Variants in QKI observed in about 807,000 individuals in gnomAD.
QKI encodes the protein KH domain-containing RNA-binding protein QKI.
In QKI, 10 loss-of-function variants were observed where a neutral mutation model predicts 39.0. The ratio of observed to expected loss-of-function variants is 0.26; its 90% CI spans 0.16 to 0.43. The LOEUF is 0.43. Ranked by LOEUF, QKI falls within the 20% of genes least tolerant of loss-of-function variation. The pLI is 1.00. For missense variants in QKI, 218 were observed against 428.0 expected (o/e 0.51, Z 4.33); for synonymous variants, 204 against 155.4 (o/e 1.31, Z -2.33).
At chr6:163,465,174 A>C (rs909068572) in intron 2 of QKI, among the ~76,000 whole-genome samples, 1 of 152,236 alleles carries the variant, frequency 6.6e-6, no homozygotes, top group African/African-American at 2.4e-5. Flanking sequence ...GGTATAGAAC[A>C]GTATGCCACA....
At chr6:163,420,510 A>T (rs1787912076) in intron 1 of QKI, among the ~76,000 whole-genome samples, 1 of 152,002 alleles carries the variant, frequency 6.6e-6, no homozygotes, top group Non-Finnish European at 1.5e-5. Context: ...AGGCCAAGGG[A>T]TGGGGAGTGG....
rs35897463 is a variant in QKI at position 163,474,787 on chromosome 6, TA to T, written c.286-3973del. The stretch of plus-strand genomic sequence containing the variant: ...TGAGACCTGATGTCTACAAAAAAGT[TA>T]AAAAAAAAAAAAAAAAAAAGCCAGG... On this transcript the variant is annotated intron_variant, in intron 2 of 7. Coordinates refer to ENST00000361752, the MANE Select transcript of QKI (RefSeq NM_006775.3). Among the ~76,000 whole-genome samples, 519 of 108,630 alleles carry T rather than the reference TA, an allele frequency of 4.8e-3. 1 individual carries two copies. The highest frequency in any genetic ancestry group is 0.015 in the African/African-American group (412 of 28,232). The allele number at this position is 108,630 out of a possible 152,430, so 71.3% of individuals were successfully genotyped here.
intron 1 of QKI, among the ~76,000 whole-genome samples, chr6:163,426,760 C>G (rs1788437090): frequency 6.6e-6 from 1 of 152,128 alleles, no homozygotes; most frequent in African/African-American, 2.4e-5. Context: ...ATGGGGCAAG[C>G]CAGATATATG....
intron 3 of QKI, among the ~76,000 whole-genome samples, chr6:163,481,230 GAC>G: frequency 6.6e-6 from 1 of 150,712 alleles, no homozygotes; most frequent in African/African-American, 2.5e-5. Context: ...TGTATATATA[GAC>G]ATGTGTGTAT....
chr6:163,508,532 CT>C (rs796358857), intron 3 of QKI, among the ~76,000 whole-genome samples: 26 of 4,478 alleles, frequency 5.8e-3, no homozygotes, highest in African/African-American at 0.022. Flanking sequence ...TTCTTTCTTT[CT>C]TTTTTTTTTT....
chr6:163,491,106 G>A (rs1329607047), intron 3 of QKI, among the ~76,000 whole-genome samples: 1 of 152,064 alleles, frequency 6.6e-6, no homozygotes, highest in Non-Finnish European at 1.5e-5. Context: ...TGTTTTTAAA[G>A]AGAAAAGAAG....
At chr6:163,480,226 A>G (rs1792967856) in intron 3 of QKI, among the ~76,000 whole-genome samples, 1 of 151,884 alleles carries the variant, frequency 6.6e-6, no homozygotes, top group Non-Finnish European at 1.5e-5. Context: ...TGTTTTAGGA[A>G]GGTTTGGTCT....
intron 4 of QKI, among the ~76,000 whole-genome samples, chr6:163,560,656 GCTTAA>G (rs1385683772): frequency 6.6e-6 from 1 of 152,186 alleles, no homozygotes; most frequent in East Asian, 1.9e-4. Context: ...AGGTTAATGG[GCTTAA>G]CTTGAGAGGA....
At chr6:163,490,683 T>A (rs1777994724) in intron 3 of QKI, among the ~76,000 whole-genome samples, 1 of 152,140 alleles carries the variant, frequency 6.6e-6, no homozygotes, top group Non-Finnish European at 1.5e-5. Flanking sequence ...CAAATTTATT[T>A]CATTTTGAAA....
intron 4 of QKI, among the ~76,000 whole-genome samples, chr6:163,548,631 G>GT (rs1394326804): frequency 6.6e-5 from 10 of 152,160 alleles, no homozygotes; most frequent in Non-Finnish European, 1.2e-4. Context: ...CTGAAAGAAG[G>GT]TATGTGTGAC....
chr6:163,565,652 A>G (rs1449603962), intron 6 of QKI: 21 of 1,064,746 alleles, frequency 2.0e-5, no homozygotes, highest in Admixed American at 9.8e-5. Flanking sequence ...TAAGTGCCCA[A>G]TGAAAAAATC....
At chr6:163,568,071 G>A (rs1303084449) in intron 7 of QKI, 21 of 985,244 alleles carry the variant, frequency 2.1e-5, no homozygotes, top group African/African-American at 3.5e-5. Flanking sequence ...CTCCGTGGTC[G>A]TCTATGAGGA....
rs141068706 is a variant in QKI at position 163,460,539 on chromosome 6, G to C, written c.285+5118G>C. Among the ~76,000 whole-genome samples, 282 of 152,176 alleles carry C rather than the reference G, an allele frequency of 1.9e-3. 1 individual carries two copies. Among genetic ancestry groups the C allele is most frequent in the Non-Finnish European group, 3.3e-3 (225 of 68,002 alleles). ...TGGGTTTGCAAATCAGCTTAGGCTC[G>C]TCATAGCTTCTGAGTTAGTTAGCAT... On this transcript the variant is annotated intron_variant, in intron 2 of 7. Transcript: ENST00000361752.
intron 1 of QKI, among the ~76,000 whole-genome samples, chr6:163,426,036 A>G (rs1288976902): frequency 6.6e-6 from 1 of 152,222 alleles, no homozygotes; most frequent in Non-Finnish European, 1.5e-5. Context: ...ATATTTGTGT[A>G]TCTTTAAAAG....
intron 7 of QKI, chr6:163,568,271 C>T (rs1394705098): frequency 1.0e-6 from 1 of 985,086 alleles, no homozygotes; most frequent in Non-Finnish European, 1.2e-6. Context: ...TAATCTTTCC[C>T]TATGTATGCC....
At position 163,505,232 on chromosome 6, in the gene QKI, C is replaced by A. The variant is rs543925088; in HGVS notation, c.402+26336C>A. ...CAGAAGTCTGCTGCAGGGGCGGACC[C>A]CTCATGGAGAACCTCTGCTACGGCA... On this transcript the variant is annotated intron_variant, in intron 3 of 7. Coordinates refer to ENST00000361752, the MANE Select transcript of QKI (RefSeq NM_006775.3). Among the ~76,000 whole-genome samples, 4 of 152,266 alleles carry A rather than the reference C, an allele frequency of 2.6e-5. No individual in the cohort carries two copies. The South Asian group carries it at 8.3e-4, about 32-fold the overall frequency.
chr6:163,563,158 A>G (rs1783136733), intron 5 of QKI, among the ~76,000 whole-genome samples: 1 of 152,226 alleles, frequency 6.6e-6, no homozygotes, highest in South Asian at 2.1e-4. Context: ...TGAACTAAAT[A>G]TAACCTATTT....
At chr6:163,454,472 A>C (rs1197807076) in intron 1 of QKI, among the ~76,000 whole-genome samples, 1 of 152,134 alleles carries the variant, frequency 6.6e-6, no homozygotes, top group Admixed American at 6.5e-5. Flanking sequence ...TCTGATCACC[A>C]GTGGCTTAGT....
intron 2 of QKI, among the ~76,000 whole-genome samples, chr6:163,466,632 G>A (rs1454566141): frequency 6.6e-6 from 1 of 152,110 alleles, no homozygotes; most frequent in African/African-American, 2.4e-5. Flanking sequence ...AGAAAGAATC[G>A]TCTCTTCAAC....
Sources: gnomAD v4.1 joint callset for allele counts (sites outside exome capture counted in the v4.1 genomes callset) on GRCh38, gnomAD v4.1.1 for gene constraint, MANE v1.5 for transcripts, NCBI Gene and HGNC (gene_info 2026-07-23, HGNC 2026-07-21) for gene names.